The following PRSS23 variants were observed in gnomAD, a reference collection of about 807,000 sequenced individuals.
PRSS23 encodes serine protease 23, also known as protease, serine 23.
PRSS23 carries 25 observed loss-of-function variants against 34.7 expected under a neutral mutation model. The observed-to-expected ratio is 0.72, with a 90% CI of 0.53 to 1.01. PRSS23 has a LOEUF of 1.01. Among genes scored for constraint, PRSS23 ranks in the 50% least tolerant of loss-of-function variants. The pLI, the probability that PRSS23 is intolerant of heterozygous loss-of-function variation, is 0.00. For missense variants in PRSS23, 445 were observed against 475.6 expected (o/e 0.94, Z 0.60); for synonymous variants, 176 against 186.6 (o/e 0.94, Z 0.46).
At chr11:86,939,755 GTTTC>G (rs1311537010) in intron 2 of PRSS23, among the ~76,000 whole-genome samples, 7 of 84,448 alleles carry the variant, frequency 8.3e-5, no homozygotes, top group South Asian at 7.5e-4. Context: ...GTCTGTTGTT[GTTTC>G]TTTCTTTTTT....
At chr11:86,858,808 A>C (rs1449156087) in intron 2 of PRSS23, among the ~76,000 whole-genome samples, 1 of 149,996 alleles carries the variant, frequency 6.7e-6, no homozygotes, top group South Asian at 2.1e-4. Context: ...CTCCTCCTAT[A>C]ATATTGTTCC....
chr11:86,864,229 T>A (rs1444058749), intron 2 of PRSS23, among the ~76,000 whole-genome samples: 1 of 152,176 alleles, frequency 6.6e-6, no homozygotes, highest in Non-Finnish European at 1.5e-5. Context: ...TGATTTTTTT[T>A]TTTTCCCCAA....
chr11:86,858,074 T>A, intron 2 of PRSS23: 1 of 203,548 alleles, frequency 4.9e-6, no homozygotes, highest in South Asian at 9.0e-5. Flanking sequence ...GTTCCTAATA[T>A]CTGGGGGAGA....
intron 2 of PRSS23, chr11:86,934,363 ATCTC>A (rs35273496): frequency 2.0e-5 from 3 of 150,858 alleles, no homozygotes; most frequent in Non-Finnish European, 3.0e-5. Flanking sequence ...AACATATTCC[ATCTC>A]TCTCTCTCTC....
intron 2 of PRSS23, among the ~76,000 whole-genome samples, chr11:86,851,187 G>A (rs1338066193): frequency 6.6e-6 from 1 of 152,180 alleles, no homozygotes; most frequent in Non-Finnish European, 1.5e-5. Context: ...AGAGGTCAGA[G>A]GTCTTAACCA....
At chr11:86,849,534 A>T (rs1948513575) in intron 2 of PRSS23, among the ~76,000 whole-genome samples, 1 of 152,198 alleles carries the variant, frequency 6.6e-6, no homozygotes, top group Non-Finnish European at 1.5e-5. Context: ...ACTTTTCCTT[A>T]TCAAACGCAA....
At chr11:86,806,179 C>G (rs948511773) in intron 1 of PRSS23, among the ~76,000 whole-genome samples, 1 of 152,312 alleles carries the variant, frequency 6.6e-6, no homozygotes, top group Admixed American at 6.5e-5. Context: ...CTAGCTCTTG[C>G]CTGCTGCCTC....
intron 2 of PRSS23, among the ~76,000 whole-genome samples, chr11:86,835,666 GATTAAGCCAGT>G (rs1021975914): frequency 5.3e-5 from 8 of 152,176 alleles, no homozygotes; most frequent in African/African-American, 1.9e-4. Context: ...TTTAGGATGA[GATTAAGCCAGT>G]ATAGGCTGGA....
chr11:86,877,945 T>C (rs1948736043), intron 2 of PRSS23, among the ~76,000 whole-genome samples: 1 of 151,976 alleles, frequency 6.6e-6, no homozygotes, highest in African/African-American at 2.4e-5. Flanking sequence ...TATGGAGTAT[T>C]ACCATGTTGA....
chr11:86,800,631 C>G lies in PRSS23; in HGVS notation c.-34C>G, dbSNP rs571066512. The G allele has an allele frequency of 4.0e-4, 394 of 985,106 alleles. 4 individuals carry two copies. In the African/African-American group the frequency reaches 6.1e-3, roughly 15 times the overall value. The allele number at this position is 985,106 out of a possible 1,614,324, so 61.0% of individuals were successfully genotyped here. A position where few individuals can be genotyped will look rare whatever the true frequency, so the allele number is the denominator to read the frequency against. On this transcript the variant is annotated 5_prime_UTR_variant, in exon 1 of 2. Coordinates refer to ENST00000280258, the MANE Select transcript of PRSS23 (RefSeq NM_007173.6). ...CTGAGCGGCGCAGCGAGCCGCGGCCCGGGCGGGCTGCTCGGCGCGGGTGAG... is the reference window on the plus strand; with the variant it reads ...CTGAGCGGCGCAGCGAGCCGCGGCCGGGGCGGGCTGCTCGGCGCGGGTGAG...
At chr11:86,886,897 G>A (rs926838670) in intron 2 of PRSS23, among the ~76,000 whole-genome samples, 31 of 152,234 alleles carry the variant, frequency 2.0e-4, no homozygotes, top group Non-Finnish European at 2.8e-4. Context: ...AGCTGAGATC[G>A]CGCCACTGCC....
At chr11:86,842,071 A>C (rs1180044048) in intron 2 of PRSS23, among the ~76,000 whole-genome samples, 1 of 152,194 alleles carries the variant, frequency 6.6e-6, no homozygotes, top group African/African-American at 2.4e-5. Context: ...GCACATCAAA[A>C]AGCTTATCCA....
At chr11:86,878,315 C>T (rs1227551723) in intron 2 of PRSS23, among the ~76,000 whole-genome samples, 1 of 150,662 alleles carries the variant, frequency 6.6e-6, no homozygotes, top group African/African-American at 2.5e-5. Flanking sequence ...GATGCCCAGC[C>T]GAAGCTGGAC....
intron 2 of PRSS23, chr11:86,910,087 A>G (rs757118664): frequency 2.6e-5 from 4 of 152,240 alleles, no homozygotes; most frequent in Non-Finnish European, 4.4e-5. Context: ...TACACAAACC[A>G]TAGAAAATAG....
chr11:86,911,049 CA>C (rs1948973689), intron 2 of PRSS23: 1 of 152,032 alleles, frequency 6.6e-6, no homozygotes, highest in Non-Finnish European at 1.5e-5. Flanking sequence ...ACCAGAATCT[CA>C]AAGTGACCAG....
At chr11:86,849,036 A>G (rs1948510100) in intron 2 of PRSS23, among the ~76,000 whole-genome samples, 2 of 152,204 alleles carry the variant, frequency 1.3e-5, no homozygotes, top group South Asian at 2.1e-4. Context: ...GGCCAGAAGC[A>G]CCCAACCAGA....
chr11:86,906,680 G>T (rs1948945209), intron 2 of PRSS23, among the ~76,000 whole-genome samples: 1 of 152,194 alleles, frequency 6.6e-6, no homozygotes, highest in Non-Finnish European at 1.5e-5. Flanking sequence ...AACACTGCTG[G>T]TTAGTGGCAC....
intron 2 of PRSS23, among the ~76,000 whole-genome samples, chr11:86,824,005 CAAAAAA>C (rs55884309): frequency 6.6e-5 from 2 of 30,510 alleles, no homozygotes; most frequent in East Asian, 2.0e-3. Flanking sequence ...GACTCCGTCT[CAAAAAA>C]AAAAAAAAAA....
intron 2 of PRSS23, among the ~76,000 whole-genome samples, chr11:86,887,049 A>G (rs1373851344): frequency 6.6e-6 from 1 of 152,130 alleles, no homozygotes; most frequent in Non-Finnish European, 1.5e-5. Context: ...AGGAACTATT[A>G]TTATCCCCAG....
Sources: allele counts gnomAD v4.1 joint callset (sites outside exome capture counted in the v4.1 genomes callset), GRCh38; gene constraint gnomAD v4.1.1; transcripts MANE v1.5; gene names NCBI Gene and HGNC (gene_info 2026-07-23, HGNC 2026-07-21).